The following NLK variants were observed in gnomAD, a reference collection of about 807,000 sequenced individuals.
NLK encodes the protein nemo like kinase, also known as serine/threonine-protein kinase NLK.
NLK carries 11 observed loss-of-function variants against 59.0 expected under a neutral mutation model. That is an observed-to-expected ratio of 0.19 (90% CI 0.12 to 0.31). NLK has a LOEUF of 0.31. Ranked by LOEUF, NLK falls within the 10% of genes least tolerant of loss-of-function variation. The probability of loss-of-function intolerance (pLI) is 1.00; values close to 1 mark genes in which losing one functional copy is unlikely to be tolerated. For missense variants in NLK, 410 were observed against 661.1 expected (o/e 0.62, Z 4.16); for synonymous variants, 235 against 235.9 (o/e 1.00, Z 0.03).
At position 28,042,744 on chromosome 17, in the gene NLK, T is replaced by G; in HGVS notation, c.-130T>G. On this transcript the variant is annotated 5_prime_UTR_variant, in exon 1 of 11. Coordinates refer to ENST00000407008, the MANE Select transcript of NLK (RefSeq NM_016231.5). Reference sequence around the variant, plus strand: ...TTAAACACCAAGATCCTCTAACTTGTTTGGATTGACTGATGAAGACATAAA... The same window carrying G: ...TTAAACACCAAGATCCTCTAACTTGGTTGGATTGACTGATGAAGACATAAA... 1.2e-6 allele frequency: 1 copy of G among 827,960 alleles called. No individual in the cohort carries two copies. The highest frequency in any genetic ancestry group is 1.8e-6 in the Non-Finnish European group (1 of 554,334). The allele number at this position is 827,960 out of a possible 1,614,324, so 51.3% of individuals were successfully genotyped here.
chr17:28,168,535 C>T lies in NLK; in HGVS notation c.925C>T (p.Pro309Ser). 6.2e-7 allele frequency: 1 copy of T among 1,613,678 alleles called. No homozygotes were observed. Reference sequence around the variant, plus strand: ...AGTTGTTACTCAGTATTATCGGGCTCCAGAAATCCTGATGGGCAGCCGTCA... The same window carrying T: ...AGTTGTTACTCAGTATTATCGGGCTTCAGAAATCCTGATGGGCAGCCGTCA... ...QEVVTQYYRA[P>S]EILMGSRHYS... is the part of the protein sequence containing the mutation. The change falls in exon 6 of 11, where the codon CCA becomes TCA. Residue 309 changes from proline (P) to serine (S), a missense_variant. By Grantham distance (74) the Pro-to-Ser change is moderately conservative. Transcript: ENST00000407008.
chr17:28,061,133 A>G (rs148558100), intron 1 of NLK, among the ~76,000 whole-genome samples: 60 of 152,286 alleles, frequency 3.9e-4, no homozygotes, highest in African/African-American at 1.4e-3. Flanking sequence ...GCGATCCTCC[A>G]CAGCCTCCTG....
chr17:28,190,176 C>T (rs1486512352), intron 8 of NLK, among the ~76,000 whole-genome samples: 5 of 152,170 alleles, frequency 3.3e-5, no homozygotes, highest in Admixed American at 3.3e-4. Context: ...TGAGTTCATC[C>T]TTAAATCTTT....
chr17:28,179,872 GTT>G lies in NLK; in HGVS notation c.1150-5283_1150-5282del, dbSNP rs34411493. On this transcript the variant is annotated intron_variant, in intron 7 of 10. Transcript: ENST00000407008. Reference sequence around the variant, plus strand: ...TAGGGCATATTTCTAAGCATTCTTGGTTTTTTTTTTTTTTTTTTTTTTTTTGC... The same window carrying G: ...TAGGGCATATTTCTAAGCATTCTTGGTTTTTTTTTTTTTTTTTTTTTTTGC... 7.6e-3 allele frequency among the ~76,000 whole-genome samples: 604 copies of G among 79,356 alleles called. 1 individual carries two copies. Among genetic ancestry groups the G allele is most frequent in the African/African-American group, 0.029 (570 of 19,852 alleles). The allele number at this position is 79,356 out of a possible 152,430, so 52.1% of individuals were successfully genotyped here.
chr17:28,078,728 ACTCT>A (rs1463171767), intron 1 of NLK, among the ~76,000 whole-genome samples: 1 of 151,618 alleles, frequency 6.6e-6, no homozygotes, highest in African/African-American at 2.4e-5. Context: ...GGTTTATAGC[ACTCT>A]CTCTGTAAAC....
chr17:28,166,017 C>T (rs1468317890), intron 5 of NLK, among the ~76,000 whole-genome samples: 5 of 152,170 alleles, frequency 3.3e-5, no homozygotes, highest in African/African-American at 1.2e-4. Context: ...GAACTTGAGA[C>T]CAGCCTGGCC....
At chr17:28,188,704 A>T (rs1909206965) in intron 8 of NLK, among the ~76,000 whole-genome samples, 1 of 151,988 alleles carries the variant, frequency 6.6e-6, no homozygotes, top group Non-Finnish European at 1.5e-5. Context: ...CTGGTCTCGA[A>T]CTCCTGACCC....
At chr17:28,063,743 G>A (rs1909742443) in intron 1 of NLK, among the ~76,000 whole-genome samples, 1 of 152,120 alleles carries the variant, frequency 6.6e-6, no homozygotes, top group Non-Finnish European at 1.5e-5. Context: ...GCGACAAATA[G>A]GAGGTTAGCA....
At chr17:28,186,626 A>C (rs1381808522) in intron 8 of NLK, among the ~76,000 whole-genome samples, 3 of 152,122 alleles carry the variant, frequency 2.0e-5, no homozygotes, top group Non-Finnish European at 4.4e-5. Context: ...TCATGTCTAT[A>C]TGGATGGCAG....
Position 28,191,076 on chromosome 17 carries a change from G to A in NLK, c.1292G>A (p.Arg431Gln), listed in dbSNP as rs548508601. ...ALAHPYLDEG[R>Q]LRYHTCMCKC... is the part of the protein sequence containing the mutation. ...GCCCACCCCTACCTAGATGAAGGGC[G>A]ACTACGATATCACACATGTATGTGT... Residue 431 changes from arginine to glutamine, a missense_variant, in exon 9 of 11, where the codon CGA becomes CAA. Physicochemically the swap from Arg to Gln is conservative, Grantham distance 43. Around this residue, in one of 5 missense-constraint regions of NLK, gnomAD observed 150 missense variants for 244.3 expected, o/e 0.61. Coordinates refer to ENST00000407008, the MANE Select transcript of NLK (RefSeq NM_016231.5). 3 of 1,613,178 alleles carry A rather than the reference G, an allele frequency of 1.9e-6. No individual in the cohort carries two copies. Among genetic ancestry groups the A allele is most frequent in the African/African-American group, 2.7e-5 (2 of 74,988 alleles).
intron 3 of NLK, among the ~76,000 whole-genome samples, chr17:28,134,296 G>C (rs953034105): frequency 2.0e-5 from 3 of 151,988 alleles, no homozygotes; most frequent in Admixed American, 6.5e-5. Flanking sequence ...AGCCACTCAA[G>C]AGGCTGAGGC....
chr17:28,052,949 A>AT (rs1017598410), intron 1 of NLK, among the ~76,000 whole-genome samples: 2 of 42,626 alleles, frequency 4.7e-5, no homozygotes, highest in African/African-American at 2.0e-4. Flanking sequence ...TATTTTTTTT[A>AT]TTTTTTTGTG....
chr17:28,055,421 T>C (rs757371566), intron 1 of NLK, among the ~76,000 whole-genome samples: 28 of 151,892 alleles, frequency 1.8e-4, no homozygotes, highest in Non-Finnish European at 2.1e-4. Flanking sequence ...AGTGGTGCCT[T>C]GAACTCCTGG....
intron 1 of NLK, among the ~76,000 whole-genome samples, chr17:28,106,791 A>G (rs1905142481): frequency 6.6e-6 from 1 of 152,210 alleles, no homozygotes; most frequent in Admixed American, 6.5e-5. Flanking sequence ...TACTTGAAAG[A>G]CATAAAAAAT....
intron 1 of NLK, among the ~76,000 whole-genome samples, chr17:28,084,014 C>G (rs1277584730): frequency 6.6e-6 from 1 of 152,134 alleles, no homozygotes; most frequent in Non-Finnish European, 1.5e-5. Context: ...TATCATGATA[C>G]AGCTGTGAGG....
intron 5 of NLK, 47 bp from the exon 6 acceptor site, chr17:28,168,401 T>C (rs779064715): frequency 6.4e-6 from 9 of 1,400,280 alleles, no homozygotes; most frequent in South Asian, 1.2e-5. Context: ...GTTTTACTCT[T>C]TCATTTGTAT....
intron 1 of NLK, among the ~76,000 whole-genome samples, chr17:28,112,525 G>A (rs1476151260): frequency 6.6e-6 from 1 of 152,048 alleles, no homozygotes; most frequent in Non-Finnish European, 1.5e-5. Context: ...TTTGACTTTG[G>A]CCATTTTTCT....
intron 7 of NLK, among the ~76,000 whole-genome samples, chr17:28,184,122 T>C (rs1325324629): frequency 2.0e-5 from 3 of 152,216 alleles, no homozygotes; most frequent in Non-Finnish European, 4.4e-5. Context: ...CTACCACTTA[T>C]GAAGGCAATT....
At chr17:28,103,579 G>A (rs1904974730) in intron 1 of NLK, among the ~76,000 whole-genome samples, 1 of 152,184 alleles carries the variant, frequency 6.6e-6, no homozygotes, top group South Asian at 2.1e-4. Context: ...AATATGCATA[G>A]ATTTTAAACT....
Sources: gnomAD v4.1 joint callset for allele counts (sites outside exome capture counted in the v4.1 genomes callset) on GRCh38, gnomAD v4.1.1 for gene constraint, gnomAD v4.1.1 regional missense constraint, MANE v1.5 for transcripts, NCBI Gene and HGNC (gene_info 2026-07-23, HGNC 2026-07-21) for gene names.